CAMK4: variants seen among roughly 807,000 people sequenced by gnomAD.
The protein encoded by CAMK4 is calcium/calmodulin-dependent protein kinase type IV.
Under a neutral mutation model 44.9 loss-of-function variants are expected in CAMK4, and 22 were observed. The ratio of observed to expected loss-of-function variants is 0.49; its 90% CI spans 0.35 to 0.70. CAMK4 has a LOEUF of 0.70. Ranked by LOEUF, CAMK4 falls within the 30% of genes least tolerant of loss-of-function variation. CAMK4 has a pLI of 0.01. For synonymous variants in CAMK4, 218 were observed against 215.4 expected, an observed-to-expected ratio of 1.01 and a Z score of -0.11; for missense variants, 498 against 586.8, an observed-to-expected ratio of 0.85 and a Z score of 1.56.
chr5:111,332,415 T>A lies in CAMK4; in HGVS notation c.162-11609T>A, dbSNP rs563130967. On this transcript the variant is annotated intron_variant, in intron 1 of 10. Transcript: ENST00000282356. ...CCCTGCAAAGGACATGAACTCATCA[T>A]TTTTTATGGCTACATAGTATTCCAC... Among the ~76,000 whole-genome samples the A allele has an allele frequency of 3.8e-4, 58 of 151,696 alleles. 1 individual carries two copies. The highest frequency in any genetic ancestry group is 1.3e-3 in the African/African-American group (53 of 41,444).
At chr5:111,345,112 T>C (rs1749812720) in intron 2 of CAMK4, among the ~76,000 whole-genome samples, 1 of 151,932 alleles carries the variant, frequency 6.6e-6, no homozygotes, top group South Asian at 2.1e-4. Context: ...TTATGTATTG[T>C]CTGGCACAGG....
At chr5:111,456,171 A>C (rs1754405706) in intron 7 of CAMK4, among the ~76,000 whole-genome samples, 1 of 152,090 alleles carries the variant, frequency 6.6e-6, no homozygotes, top group Non-Finnish European at 1.5e-5. Flanking sequence ...CATCTCTGCC[A>C]CAGTTCTTTA....
At chr5:111,329,345 C>G (rs1263029104) in intron 1 of CAMK4, among the ~76,000 whole-genome samples, 1 of 151,850 alleles carries the variant, frequency 6.6e-6, no homozygotes, top group Non-Finnish European at 1.5e-5. Flanking sequence ...TCTCACCACT[C>G]CTATTCAACA....
intron 2 of CAMK4, among the ~76,000 whole-genome samples, chr5:111,367,661 A>T (rs1214303201): frequency 6.6e-6 from 1 of 152,126 alleles, no homozygotes; most frequent in Non-Finnish European, 1.5e-5. Context: ...ATGAGATAGG[A>T]CATCTCCTGT....
chr5:111,352,388 A>G (rs1750146367), intron 2 of CAMK4, among the ~76,000 whole-genome samples: 1 of 152,058 alleles, frequency 6.6e-6, no homozygotes, highest in African/African-American at 2.4e-5. Flanking sequence ...TTGGAAAGAT[A>G]CTTCTTAGAA....
intron 1 of CAMK4, among the ~76,000 whole-genome samples, chr5:111,301,551 G>C (rs1296235072): frequency 1.3e-5 from 2 of 152,098 alleles, no homozygotes; most frequent in Admixed American, 1.3e-4. Context: ...CTTTGAAGGG[G>C]GAATGGGAGA....
intron 1 of CAMK4, among the ~76,000 whole-genome samples, chr5:111,228,105 G>A (rs1213006402): frequency 2.0e-5 from 3 of 152,154 alleles, no homozygotes; most frequent in African/African-American, 7.2e-5. Context: ...CCTGTTTTCA[G>A]TTGTCTCACC....
chr5:111,368,866 G>T (rs570986587), intron 2 of CAMK4, among the ~76,000 whole-genome samples: 3 of 151,542 alleles, frequency 2.0e-5, no homozygotes, highest in African/African-American at 7.3e-5. Context: ...TATTTATCCT[G>T]GGCCCCAGCA....
At chr5:111,445,666 G>C in intron 5 of CAMK4, among the ~76,000 whole-genome samples, 1 of 152,176 alleles carries the variant, frequency 6.6e-6, no homozygotes, top group South Asian at 2.1e-4. Flanking sequence ...GGACTCAAAC[G>C]ATCCTTCCAC....
chr5:111,325,509 G>C (rs1748845937), intron 1 of CAMK4, among the ~76,000 whole-genome samples: 1 of 151,994 alleles, frequency 6.6e-6, no homozygotes, highest in Non-Finnish European at 1.5e-5. Flanking sequence ...TTTCTCCACA[G>C]CCTCGCTAGC....
chr5:111,471,268 G>C (rs1333227103), intron 7 of CAMK4, among the ~76,000 whole-genome samples: 1 of 152,194 alleles, frequency 6.6e-6, no homozygotes, highest in Non-Finnish European at 1.5e-5. Flanking sequence ...AGAACTCACA[G>C]ATGTCTGTGA....
chr5:111,375,710 A>T (rs1264543810), intron 3 of CAMK4, among the ~76,000 whole-genome samples: 2 of 152,150 alleles, frequency 1.3e-5, no homozygotes, highest in Non-Finnish European at 2.9e-5. Context: ...AAGCAACAAA[A>T]ATCAGGCAGT....
chr5:111,340,584 C>A (rs575889720), intron 1 of CAMK4, among the ~76,000 whole-genome samples: 34 of 151,192 alleles, frequency 2.2e-4, no homozygotes, highest in Non-Finnish European at 4.4e-4. Context: ...GATGAATGAG[C>A]CTTTCAATGT....
At chr5:111,256,365 T>C (rs544830528) in intron 1 of CAMK4, among the ~76,000 whole-genome samples, 1 of 152,244 alleles carries the variant, frequency 6.6e-6, no homozygotes, top group Non-Finnish European at 1.5e-5. Context: ...TGTATCTTGG[T>C]TGTGTTGGTG....
chr5:111,405,704 T>C (rs1383656084), intron 5 of CAMK4, among the ~76,000 whole-genome samples: 1 of 152,032 alleles, frequency 6.6e-6, no homozygotes, highest in Non-Finnish European at 1.5e-5. Flanking sequence ...ACTAAAATGG[T>C]TCACATGATT....
At chr5:111,283,248 C>A (rs1480465360) in intron 1 of CAMK4, among the ~76,000 whole-genome samples, 1 of 152,140 alleles carries the variant, frequency 6.6e-6, no homozygotes, top group Non-Finnish European at 1.5e-5. Context: ...TAAACTGACA[C>A]CCTTATTGGA....
intron 2 of CAMK4, among the ~76,000 whole-genome samples, chr5:111,361,443 AT>A (rs1750586516): frequency 6.6e-6 from 1 of 151,998 alleles, no homozygotes; most frequent in Admixed American, 6.6e-5. Context: ...GAAAACCTAT[AT>A]TTCATTATTT....
At chr5:111,227,584 T>TG (rs1048414199) in intron 1 of CAMK4, among the ~76,000 whole-genome samples, 1 of 152,298 alleles carries the variant, frequency 6.6e-6, no homozygotes, top group African/African-American at 2.4e-5. Flanking sequence ...AGGATGTGTT[T>TG]GGGAACTCAA....
chr5:111,456,367 T>G (rs1380800571), intron 7 of CAMK4, among the ~76,000 whole-genome samples: 1 of 152,026 alleles, frequency 6.6e-6, no homozygotes, highest in Non-Finnish European at 1.5e-5. Context: ...GGCGAGCACC[T>G]GTAGTCCCAG....
Sources: gnomAD v4.1 joint callset for allele counts (sites outside exome capture counted in the v4.1 genomes callset) on GRCh38, gnomAD v4.1.1 for gene constraint, MANE v1.5 for transcripts, NCBI Gene and HGNC (gene_info 2026-07-23, HGNC 2026-07-21) for gene names.